The following TIMM17A variants were observed in gnomAD, a reference collection of about 807,000 sequenced individuals.
The protein encoded by TIMM17A is translocase of inner mitochondrial membrane 17A.
In TIMM17A, 15 loss-of-function variants were observed where a neutral mutation model predicts 26.5. That is an observed-to-expected ratio of 0.57 (90% confidence interval 0.38 to 0.87). The LOEUF (loss-of-function observed/expected upper bound fraction) is 0.87, where lower values mean the gene tolerates loss of function less well. Among genes scored for constraint, TIMM17A ranks in the 40% least tolerant of loss-of-function variants. The pLI is 0.00. For missense variants in TIMM17A, 201 were observed against 210.0 expected (o/e 0.96, Z 0.27); for synonymous variants, 80 against 70.8 (o/e 1.13, Z -0.66).
intron 1 of TIMM17A, among the ~76,000 whole-genome samples, chr1:201,957,041 G>A (rs2819374): frequency 0.93 from 140,929 of 152,168 alleles, 66,268 homozygotes; most frequent in East Asian, 1. Context: ...CTCTTAGTAC[G>A]TATGCCCTGA....
At chr1:201,958,587 G>C (rs895822740) in intron 3 of TIMM17A, among the ~76,000 whole-genome samples, 2 of 152,306 alleles carry the variant, frequency 1.3e-5, no homozygotes, top group African/African-American at 4.8e-5. Flanking sequence ...TGTGGTCCCA[G>C]CTACTAGGGA....
chr1:201,958,448 A>T (rs367680358), intron 3 of TIMM17A, among the ~76,000 whole-genome samples: 40 of 152,388 alleles, frequency 2.6e-4, no homozygotes, highest in African/African-American at 9.4e-4. Flanking sequence ...CACGCCAATA[A>T]TCCCAGCAGT....
At chr1:201,956,955 C>CAA (rs769517453) in intron 1 of TIMM17A, among the ~76,000 whole-genome samples, 4 of 61,558 alleles carry the variant, frequency 6.5e-5, no homozygotes, top group Non-Finnish European at 3.5e-5. Context: ...GACTCCATCT[C>CAA]AAAAAAAAAA....
chr1:201,955,733 C>A (rs2102940061), intron 1 of TIMM17A, among the ~76,000 whole-genome samples, 181 bp downstream of exon 1: 1 of 152,324 alleles, frequency 6.6e-6, no homozygotes, highest in South Asian at 2.1e-4. Flanking sequence ...CTTAGTACCT[C>A]CCCGGCCGCG....
At chr1:201,957,460 T>G in intron 2 of TIMM17A, 51 bp from the exon 3 acceptor site, 1 of 1,604,268 alleles carries the variant, frequency 6.2e-7, no homozygotes, top group Non-Finnish European at 8.5e-7. Flanking sequence ...ATCAGTGGCT[T>G]AGAAATGTAC....
chr1:201,963,811 G>A (rs2102944362), intron 4 of TIMM17A, 67 bp downstream of exon 4: 1 of 1,496,614 alleles, frequency 6.7e-7, no homozygotes. Context: ...TGCCTCAATT[G>A]AATGACATCT....
chr1:201,968,236 C>T lies in TIMM17A; in HGVS notation c.431-1233C>T, dbSNP rs560027428. Among the ~76,000 whole-genome samples, 10 of 151,644 alleles carry T rather than the reference C, an allele frequency of 6.6e-5. No homozygotes were observed. In the South Asian group the frequency reaches 1.7e-3, roughly 25 times the overall value. On this transcript the variant is annotated intron_variant, in intron 5 of 5. Transcript: ENST00000367287. ...CAGGCTGGTCTCGAACTCCTGACCT[C>T]GTGATCCGCCCGCCTTGACCTCCCA... is the stretch of plus-strand genomic sequence containing the variant.
intron 1 of TIMM17A, 88 bp downstream of exon 1, chr1:201,955,640 A>G (rs1682396273): frequency 6.3e-7 from 1 of 1,578,492 alleles, no homozygotes; most frequent in East Asian, 2.2e-5. Context: ...GGTGCAAGCC[A>G]GACTCAACCG....
intron 5 of TIMM17A, among the ~76,000 whole-genome samples, chr1:201,968,107 C>T (rs1045181980): frequency 1.3e-5 from 2 of 152,150 alleles, no homozygotes; most frequent in African/African-American, 4.8e-5. Context: ...AGCGATTCTT[C>T]TGTCTCAGCC....
Position 201,957,314 on chromosome 1 carries a change from C to T in TIMM17A, c.60C>T (p.Ala20=), listed in dbSNP as rs989519882. The change falls in exon 2 of 6, where the codon GCC becomes GCT. Residue 20 remains alanine, a synonymous_variant. Coordinates refer to ENST00000367287, the MANE Select transcript of TIMM17A (RefSeq NM_006335.3). ...PWRIVDDCGG[A]FTMGTIGGGI... is the part of the protein sequence containing the mutation. ...GAATTGTGGATGACTGTGGTGGGGC[C>T]TTTACGATGGGTACCATTGGTGGTG... 4.3e-6 allele frequency: 7 copies of T among 1,613,780 alleles called. No homozygotes were observed. Among genetic ancestry groups the T allele is most frequent in the Non-Finnish European group, 5.1e-6 (6 of 1,179,878 alleles).
chr1:201,963,755 A>G lies in TIMM17A; in HGVS notation c.319+11A>G. 1 of 1,588,054 alleles carries G rather than the reference A, an allele frequency of 6.3e-7. No homozygotes were observed. Among genetic ancestry groups the G allele is most frequent in the Non-Finnish European group, 8.5e-7 (1 of 1,172,528 alleles). On this transcript the variant is annotated intron_variant, in intron 4 of 5. Coordinates refer to ENST00000367287, the MANE Select transcript of TIMM17A (RefSeq NM_006335.3). The stretch of plus-strand genomic sequence containing the variant: ...TACTGGCAGCAAGAAGTAAGTAGTC[A>G]TTACAGACATACTAGTAGAAGCCAC...
chr1:201,968,037 C>T (rs935002766), intron 5 of TIMM17A, among the ~76,000 whole-genome samples: 8 of 152,110 alleles, frequency 5.3e-5, no homozygotes, highest in Admixed American at 1.3e-4. Flanking sequence ...CGGTCTGTCG[C>T]CCAGGCTGGA....
intron 3 of TIMM17A, among the ~76,000 whole-genome samples, chr1:201,960,142 G>A (rs1204456427): frequency 6.6e-6 from 1 of 152,210 alleles, no homozygotes; most frequent in African/African-American, 2.4e-5. Flanking sequence ...GCTCACACCT[G>A]TAATCCCAGC....
At chr1:201,956,614 A>G (rs1315144262) in intron 1 of TIMM17A, among the ~76,000 whole-genome samples, 1 of 152,214 alleles carries the variant, frequency 6.6e-6, no homozygotes, top group African/African-American at 2.4e-5. Flanking sequence ...GATGTACTAT[A>G]ATGACACAGG....
At chr1:201,964,509 G>C (rs1180543567) in intron 4 of TIMM17A, among the ~76,000 whole-genome samples, 1 of 152,010 alleles carries the variant, frequency 6.6e-6, no homozygotes, top group African/African-American at 2.4e-5. Flanking sequence ...TGTGGGCTGT[G>C]TGGTCTTTGT....
At chr1:201,968,095 C>T (rs1682667952) in intron 5 of TIMM17A, among the ~76,000 whole-genome samples, 1 of 152,112 alleles carries the variant, frequency 6.6e-6, no homozygotes, top group Admixed American at 6.5e-5. Flanking sequence ...CTCCGGGGTG[C>T]AAGCGATTCT....
chr1:201,966,947 G>A (rs867189855), intron 5 of TIMM17A, among the ~76,000 whole-genome samples: 89 of 142,828 alleles, frequency 6.2e-4, no homozygotes, highest in Middle Eastern at 3.7e-3. Context: ...TATATGTTAT[G>A]TATTATATAT....
intron 1 of TIMM17A, among the ~76,000 whole-genome samples, chr1:201,955,861 T>C (rs1298047689): frequency 6.6e-6 from 1 of 152,246 alleles, no homozygotes; most frequent in Non-Finnish European, 1.5e-5. Flanking sequence ...TAATCGACTT[T>C]ATGCGGGGCC....
chr1:201,966,672 C>T (rs1055767259), intron 5 of TIMM17A, among the ~76,000 whole-genome samples: 5 of 151,684 alleles, frequency 3.3e-5, no homozygotes, highest in Non-Finnish European at 5.9e-5. Flanking sequence ...GGTGAAACCC[C>T]GTCTCTACTA....
Sources: allele counts gnomAD v4.1 joint callset (sites outside exome capture counted in the v4.1 genomes callset), GRCh38; gene constraint gnomAD v4.1.1; transcripts MANE v1.5; gene names NCBI Gene and HGNC (gene_info 2026-07-23, HGNC 2026-07-21).